The following HTR2C variants were observed in gnomAD, a reference collection of about 807,000 sequenced individuals.
HTR2C encodes 5-hydroxytryptamine (serotonin) receptor 2C, G protein-coupled.
Under a neutral mutation model 21.0 loss-of-function variants are expected in HTR2C, and 5 were observed. The ratio of observed to expected loss-of-function variants is 0.24; its 90% CI spans 0.12 to 0.50. The LOEUF is 0.50. Among genes scored for constraint, HTR2C ranks in the 20% least tolerant of loss-of-function variants. The probability of loss-of-function intolerance (pLI) is 0.98; values close to 1 mark genes in which losing one functional copy is unlikely to be tolerated. For synonymous variants in HTR2C, 150 were observed against 145.3 expected, an observed-to-expected ratio of 1.03 and a Z score of -0.23; for missense variants, 271 against 371.2, an observed-to-expected ratio of 0.73 and a Z score of 2.22.
chrX:114,846,580 T>C (rs1602871681), intron 4 of HTR2C, among the ~76,000 whole-genome samples: 1 of 112,022 alleles, frequency 8.9e-6, no homozygotes, highest in African/African-American at 3.2e-5. Context: ...TGTCAATTGA[T>C]GCAGAAAAAG....
Position 114,725,873 on chromosome X carries a change from C to A in HTR2C, c.-79-985C>A, listed in dbSNP as rs1196011437. 2.7e-5 allele frequency among the ~76,000 whole-genome samples: 3 copies of A among 109,469 alleles called. No homozygotes were observed. In the Admixed American group the frequency reaches 2.9e-4, roughly 11 times the overall value. On this transcript the variant is annotated intron_variant, in intron 2 of 5. Transcript: ENST00000276198. The stretch of plus-strand genomic sequence containing the variant: ...CACTTGAGGAGGCAGTCTGCCCGTT[C>A]TCAGATCTCCAGCTGCATGCTGGGA...
At chrX:114,798,150 T>G (rs2070312633) in intron 4 of HTR2C, among the ~76,000 whole-genome samples, 1 of 111,449 alleles carries the variant, frequency 9.0e-6, no homozygotes, top group Non-Finnish European at 1.9e-5. Flanking sequence ...TAGTTTATAC[T>G]CAGAGTCTTA....
intron 2 of HTR2C, among the ~76,000 whole-genome samples, chrX:114,670,924 G>T (rs1003972332): frequency 8.9e-6 from 1 of 111,760 alleles, no homozygotes; most frequent in Admixed American, 9.6e-5. Context: ...CCTGAATAAA[G>T]AATAGACTTA....
intron 4 of HTR2C, chrX:114,776,546 C>T: frequency 1.9e-6 from 1 of 534,514 alleles, no homozygotes; most frequent in Non-Finnish European, 3.4e-6. Flanking sequence ...ATCATCAAAT[C>T]TGCATCCAAT....
At chrX:114,692,959 A>C (rs1266778941) in intron 2 of HTR2C, among the ~76,000 whole-genome samples, 3 of 111,490 alleles carry the variant, frequency 2.7e-5, no homozygotes, top group African/African-American at 9.8e-5. Context: ...GTATGAAAAG[A>C]AGCTTGGGAA....
Position 114,691,645 on chromosome X carries a change from AG to A in HTR2C, c.-79-35211del, listed in dbSNP as rs1376712635. On this transcript the variant is annotated intron_variant, in intron 2 of 5. Transcript: ENST00000276198. Reference sequence around the variant, plus strand: ...ATTTACTGAACTCCTACTTTTTGCCAGGTCCTGTCTTAGGGAATTTACTGAC... The same window carrying A: ...ATTTACTGAACTCCTACTTTTTGCCAGTCCTGTCTTAGGGAATTTACTGAC... 2.3e-4 allele frequency among the ~76,000 whole-genome samples: 26 copies of A among 111,665 alleles called. No homozygotes were observed. The East Asian group carries it at 7.0e-3, about 30-fold the overall frequency.
chrX:114,663,883 C>A (rs1169527672), intron 2 of HTR2C, among the ~76,000 whole-genome samples: 1 of 111,274 alleles, frequency 9.0e-6, no homozygotes, highest in African/African-American at 3.3e-5. Context: ...TAATAGTAAC[C>A]AGCAGGAATA....
intron 2 of HTR2C, among the ~76,000 whole-genome samples, chrX:114,687,207 T>C (rs1450606148): frequency 5.3e-5 from 6 of 112,656 alleles, no homozygotes; most frequent in East Asian, 2.8e-4. Flanking sequence ...TGTAGCAAGA[T>C]ACGAAGTGGG....
intron 4 of HTR2C, among the ~76,000 whole-genome samples, chrX:114,806,459 A>G (rs1306624981): frequency 1.2e-5 from 1 of 86,803 alleles, no homozygotes; most frequent in Non-Finnish European, 2.1e-5. Flanking sequence ...CTGTATATAT[A>G]TACACCATAT....
intron 4 of HTR2C, chrX:114,775,303 A>G: frequency 1.9e-6 from 1 of 529,474 alleles, no homozygotes; most frequent in Non-Finnish European, 3.5e-6. Flanking sequence ...TCCACAGCAG[A>G]GACATTGAGG....
At chrX:114,842,435 C>T (rs1396256229) in intron 4 of HTR2C, among the ~76,000 whole-genome samples, 1 of 112,216 alleles carries the variant, frequency 8.9e-6, no homozygotes, top group Non-Finnish European at 1.9e-5. Flanking sequence ...AAGGCACAAG[C>T]ATTGTTTGCA....
intron 4 of HTR2C, among the ~76,000 whole-genome samples, chrX:114,770,926 T>G (rs999564798): frequency 9.3e-6 from 1 of 107,636 alleles, no homozygotes; most frequent in Non-Finnish European, 1.9e-5. Context: ...CTCAGCCTAC[T>G]GAGCAGCTGA....
chrX:114,746,123 G>C (rs2069701098), intron 4 of HTR2C, among the ~76,000 whole-genome samples: 1 of 110,901 alleles, frequency 9.0e-6, no homozygotes, highest in African/African-American at 3.3e-5. Context: ...TTAAAAATTA[G>C]AAAAAATTTA....
At chrX:114,864,928 T>C (rs2071034429) in intron 5 of HTR2C, among the ~76,000 whole-genome samples, 2 of 105,653 alleles carry the variant, frequency 1.9e-5, no homozygotes, top group Admixed American at 1.0e-4. Context: ...TTCAACACAT[T>C]AAATATATCA....
At chrX:114,806,467 TATATATATACTGTATATATATACACC>T (rs1423925297) in intron 4 of HTR2C, among the ~76,000 whole-genome samples, 891 of 3,516 alleles carry the variant, frequency 0.25, 100 homozygotes, top group Middle Eastern at 0.43. Context: ...ATATACACCA[TATATATATACTGTATATATATACACC>T]ATATATATAC....
intron 2 of HTR2C, among the ~76,000 whole-genome samples, chrX:114,704,798 T>C (rs1221431038): frequency 2.4e-4 from 26 of 108,973 alleles, no homozygotes; most frequent in Non-Finnish European, 2.7e-4. Flanking sequence ...GATTGTATAT[T>C]TAGAAAACCC....
intron 2 of HTR2C, among the ~76,000 whole-genome samples, chrX:114,645,380 G>A (rs914487371): frequency 4.5e-5 from 5 of 110,811 alleles, no homozygotes. Context: ...ATGAGAAAAT[G>A]TAGTGGACAT....
intron 2 of HTR2C, among the ~76,000 whole-genome samples, chrX:114,635,071 T>G (rs781864511): frequency 1.8e-5 from 2 of 111,658 alleles, no homozygotes; most frequent in South Asian, 7.6e-4. Flanking sequence ...ATATAATTTT[T>G]AACTCTCAAA....
intron 4 of HTR2C, among the ~76,000 whole-genome samples, chrX:114,823,233 A>G (rs1376608787): frequency 9.0e-6 from 1 of 111,567 alleles, no homozygotes. Context: ...GGGAAATGAT[A>G]TTTTTGAGAT....
Sources: allele counts gnomAD v4.1 joint callset (sites outside exome capture counted in the v4.1 genomes callset), GRCh38; gene constraint gnomAD v4.1.1; transcripts MANE v1.5; gene names NCBI Gene and HGNC (gene_info 2026-07-23, HGNC 2026-07-21).